Variants in CSNK1G3 observed in about 807,000 individuals in gnomAD.
The protein encoded by CSNK1G3 is casein kinase 1 gamma 3.
In CSNK1G3, 23 loss-of-function variants were observed where a neutral mutation model predicts 64.3. The observed-to-expected ratio is 0.36, with a 90% CI of 0.26 to 0.51. The LOEUF is 0.51. Ranked by LOEUF, CSNK1G3 falls within the 20% of genes least tolerant of loss-of-function variation. CSNK1G3 has a pLI of 0.96. For missense variants in CSNK1G3, 357 were observed against 510.5 expected, an observed-to-expected ratio of 0.70 and a Z score of 2.90; for synonymous variants, 158 against 162.2, an observed-to-expected ratio of 0.97 and a Z score of 0.20.
At chr5:123,614,731 T>G (rs1749170491) in exon 13 of CSNK1G3, 3 of 195,844 alleles carry the variant, frequency 1.5e-5, no homozygotes, top group Non-Finnish European at 1.0e-5. Flanking sequence ...TACAGTATCT[T>G]AAGTGTCAAC....
At chr5:123,524,857 A>T (rs1778752819) in intron 1 of CSNK1G3, among the ~76,000 whole-genome samples, 1 of 152,138 alleles carries the variant, frequency 6.6e-6, no homozygotes, top group Admixed American at 6.5e-5. Flanking sequence ...TTCCATCCTT[A>T]AACACTGAAG....
At chr5:123,519,600 T>C (rs1777744839) in intron 1 of CSNK1G3, among the ~76,000 whole-genome samples, 1 of 152,178 alleles carries the variant, frequency 6.6e-6, no homozygotes, top group Non-Finnish European at 1.5e-5. Context: ...GCTTATCATA[T>C]CTAGGGGAGA....
At chr5:123,614,032 A>C (rs1294555873) in intron 12 of CSNK1G3, among the ~76,000 whole-genome samples, 1 of 152,176 alleles carries the variant, frequency 6.6e-6, no homozygotes, top group East Asian at 1.9e-4. Context: ...GTCACATATA[A>C]ATATCAGGGA....
chr5:123,590,499 T>C, exon 9 of CSNK1G3: 1 of 1,545,186 alleles, frequency 6.5e-7, no homozygotes, highest in Non-Finnish European at 8.7e-7. Flanking sequence ...TTTTACTGAC[T>C]TGTTTGATCG....
At position 123,562,794 on chromosome 5, in the gene CSNK1G3, C is replaced by T. The variant is rs562864320; in HGVS notation, c.289+5230C>T. ...TGGAAGTGGTAACCAAGGAGATATG[C>T]AGAAAGTTTTATATTAAAACTTGCT... On this transcript the variant is annotated intron_variant, in intron 4 of 12. Transcript: ENST00000345990. Among the ~76,000 whole-genome samples, 6 of 152,034 alleles carry T rather than the reference C, an allele frequency of 3.9e-5. No homozygotes were observed. The East Asian group carries it at 9.6e-4, about 24-fold the overall frequency.
chr5:123,541,669 C>T (rs888701947), intron 1 of CSNK1G3, among the ~76,000 whole-genome samples: 6 of 152,000 alleles, frequency 3.9e-5, no homozygotes, highest in African/African-American at 9.7e-5. Flanking sequence ...TGAGGTCAAG[C>T]GAATCACCTA....
At chr5:123,604,131 G>T (rs1033595129) in intron 10 of CSNK1G3, among the ~76,000 whole-genome samples, 4 of 151,998 alleles carry the variant, frequency 2.6e-5, no homozygotes, top group African/African-American at 9.7e-5. Context: ...GATTAGATAT[G>T]GGATATGTTT....
chr5:123,518,538 C>T (rs1250115092), intron 1 of CSNK1G3, among the ~76,000 whole-genome samples: 3 of 152,244 alleles, frequency 2.0e-5, no homozygotes, highest in African/African-American at 7.2e-5. Flanking sequence ...TGGAATGGAT[C>T]TCTCTCTCTC....
intron 1 of CSNK1G3, among the ~76,000 whole-genome samples, chr5:123,537,630 G>T (rs1397788480): frequency 6.6e-6 from 1 of 152,168 alleles, no homozygotes; most frequent in African/African-American, 2.4e-5. Context: ...AAACATACAT[G>T]TTGAGATGAA....
chr5:123,538,629 T>A (rs956092480), intron 1 of CSNK1G3, among the ~76,000 whole-genome samples: 4 of 152,142 alleles, frequency 2.6e-5, no homozygotes, highest in Admixed American at 2.0e-4. Flanking sequence ...ATACCTAATG[T>A]AGATTACGGT....
exon 13 of CSNK1G3, chr5:123,615,726 G>T (rs1749343484): frequency 6.6e-6 from 1 of 152,122 alleles, no homozygotes; most frequent in African/African-American, 2.4e-5. Context: ...TTCAAGAAGG[G>T]TTAAAACAAA....
intron 10 of CSNK1G3, among the ~76,000 whole-genome samples, chr5:123,597,554 G>C (rs1445465001): frequency 2.0e-5 from 3 of 152,040 alleles, no homozygotes; most frequent in Non-Finnish European, 4.4e-5. Flanking sequence ...GCTGTTTAGA[G>C]TTGACATGTA....
intron 1 of CSNK1G3, among the ~76,000 whole-genome samples, chr5:123,541,811 G>T (rs1184995442): frequency 6.6e-6 from 1 of 151,480 alleles, no homozygotes; most frequent in Non-Finnish European, 1.5e-5. Flanking sequence ...TTTTCTTTTT[G>T]GGGGAAAATC....
At chr5:123,588,539 T>C (rs773626693) in intron 8 of CSNK1G3, 28 bp downstream of exon 8, 1 of 1,351,488 alleles carries the variant, frequency 7.4e-7, no homozygotes, top group Non-Finnish European at 1.1e-6. Flanking sequence ...GTTGATACAT[T>C]ATATACAGAA....
exon 6 of CSNK1G3, chr5:123,575,819 A>G (rs1396097134): frequency 6.2e-7 from 1 of 1,613,564 alleles, no homozygotes; most frequent in African/African-American, 1.3e-5. Context: ...AGGAAACAAA[A>G]CCCAGCAAGT....
intron 4 of CSNK1G3, among the ~76,000 whole-genome samples, chr5:123,564,896 ACTT>A (rs1283723874): frequency 6.6e-6 from 1 of 152,170 alleles, no homozygotes; most frequent in Non-Finnish European, 1.5e-5. Flanking sequence ...CTAGGACAGC[ACTT>A]CTTAAACTTT....
chr5:123,512,418 C>T (rs1776329720), exon 1 of CSNK1G3: 1 of 151,266 alleles, frequency 6.6e-6, no homozygotes, highest in African/African-American at 2.4e-5. Flanking sequence ...CTACCTCGCT[C>T]GCTCGCTCGC....
At chr5:123,547,652 T>C (rs1387273360) in intron 2 of CSNK1G3, among the ~76,000 whole-genome samples, 1 of 152,162 alleles carries the variant, frequency 6.6e-6, no homozygotes, top group Non-Finnish European at 1.5e-5. Context: ...TGTCTGTCTA[T>C]TCTATCTATC....
chr5:123,540,010 T>A (rs990714829), intron 1 of CSNK1G3, among the ~76,000 whole-genome samples: 3 of 152,172 alleles, frequency 2.0e-5, no homozygotes, highest in African/African-American at 7.2e-5. Context: ...AATTTGTATA[T>A]TCTCTTTTGT....
Sources: allele counts gnomAD v4.1 joint callset (sites outside exome capture counted in the v4.1 genomes callset), GRCh38; gene constraint gnomAD v4.1.1; transcripts MANE v1.5; gene names NCBI Gene and HGNC (gene_info 2026-07-23, HGNC 2026-07-21).